The following DOCK8 variants were observed in gnomAD, a reference collection of about 807,000 sequenced individuals.
DOCK8 encodes the protein dedicator of cytokinesis 8.
DOCK8 carries 141 observed loss-of-function variants against 245.6 expected under a neutral mutation model. The observed-to-expected ratio is 0.57, with a 90% CI of 0.50 to 0.66. The LOEUF (loss-of-function observed/expected upper bound fraction) is 0.66. Ranked by LOEUF, DOCK8 falls within the 30% of genes least tolerant of loss-of-function variation. DOCK8 has a pLI of 0.00. For missense variants in DOCK8, 2,965 were observed against 2,603.4 expected (o/e 1.14, Z -3.02); for synonymous variants, 1,168 against 970.2 (o/e 1.20, Z -3.79).
At chr9:390,903 A>G (rs756438190) in intron 24 of DOCK8, among the ~76,000 whole-genome samples, 6 of 152,220 alleles carry the variant, frequency 3.9e-5, no homozygotes, top group Non-Finnish European at 7.3e-5. Context: ...GGCAGCCAAT[A>G]CTAAACAGAG....
intron 22 of DOCK8, among the ~76,000 whole-genome samples, 199 bp downstream of exon 22, chr9:382,884 T>C (rs916219408): frequency 2.6e-5 from 4 of 152,100 alleles, no homozygotes; most frequent in Admixed American, 2.6e-4. Flanking sequence ...GACCAGCATC[T>C]GAGGATTTGC....
chr9:366,216 C>A (rs16935330), intron 14 of DOCK8: 8 of 153,460 alleles, frequency 5.2e-5, no homozygotes, highest in Non-Finnish European at 8.7e-5. Flanking sequence ...CTCACTGATA[C>A]TTGAAGCTCA....
In DOCK8 at chr9:402,230, C is replaced by G. The variant is rs150630245; in HGVS notation, c.3235-2688C>G. ...TCTTTCCTTTCTTTTCTCTTGCTCA[C>G]TATCTTTCTCCTTAAATTCTTCCCT... On this transcript the variant is annotated intron_variant, in intron 26 of 47. Transcript: ENST00000432829. Among the ~76,000 whole-genome samples, 4 of 152,306 alleles carry G rather than the reference C, an allele frequency of 2.6e-5. No individual in the cohort carries two copies. The East Asian group carries it at 5.8e-4, about 22-fold the overall frequency.
chr9:268,004 A>T (rs1418590669), intron 1 of DOCK8: 1 of 152,230 alleles, frequency 6.6e-6, no homozygotes, highest in African/African-American at 2.4e-5. Flanking sequence ...AGACACACAG[A>T]GCCAATATAC....
chr9:433,216 T>C (rs1415271224), intron 37 of DOCK8, among the ~76,000 whole-genome samples: 1 of 152,174 alleles, frequency 6.6e-6, no homozygotes, highest in African/African-American at 2.4e-5. Flanking sequence ...TATGGGCAGT[T>C]TAATAAAGGT....
intron 26 of DOCK8, among the ~76,000 whole-genome samples, chr9:401,812 C>T (rs1341308980): frequency 6.6e-6 from 1 of 152,166 alleles, no homozygotes; most frequent in African/African-American, 2.4e-5. Context: ...CCATACCACC[C>T]TGAACGCACG....
intron 1 of DOCK8, among the ~76,000 whole-genome samples, chr9:258,846 C>A (rs2047845931): frequency 6.6e-6 from 1 of 152,038 alleles, no homozygotes; most frequent in South Asian, 2.1e-4. Context: ...GATCTGCCCG[C>A]CTTGGCCTCC....
At chr9:400,947 TCACCA>T (rs2055016858) in intron 26 of DOCK8, among the ~76,000 whole-genome samples, 2 of 28,552 alleles carry the variant, frequency 7.0e-5, no homozygotes, top group Non-Finnish European at 5.2e-5. Flanking sequence ...ACCACCACCA[TCACCA>T]CCACCACCAC....
At chr9:419,180 T>G (rs566995639) in intron 30 of DOCK8, among the ~76,000 whole-genome samples, 5 of 152,342 alleles carry the variant, frequency 3.3e-5, no homozygotes, top group African/African-American at 9.6e-5. Context: ...GCAGAGAATT[T>G]AACTTTCTTC....
Position 328,153 on chromosome 9 carries a change from C to T in DOCK8, c.1026C>T (p.Asp342=). Residue 342 remains aspartate (D), a synonymous_variant, in exon 9 of 48, where the codon GAC becomes GAT. Coordinates refer to ENST00000432829, the MANE Select transcript of DOCK8 (RefSeq NM_203447.4). ...AVFSVTYPSS[D]IYLVVKIEKV... ...TCTCAGTCACCTACCCGTCCTCAGA[C>T]ATCTACCTGGTAGTCAAGGTAATTC... 6.2e-7 allele frequency: 1 copy of T among 1,614,076 alleles called. No homozygotes were observed. Among genetic ancestry groups the T allele is most frequent in the African/African-American group, 1.3e-5 (1 of 75,058 alleles).
At chr9:221,850 C>G (rs1248095504) in intron 1 of DOCK8, among the ~76,000 whole-genome samples, 2 of 151,540 alleles carry the variant, frequency 1.3e-5, no homozygotes, top group Non-Finnish European at 2.9e-5. Context: ...ATGAACAACT[C>G]TGCATGTAAA....
chr9:440,117 C>T (rs570146153), intron 40 of DOCK8, among the ~76,000 whole-genome samples: 2 of 152,152 alleles, frequency 1.3e-5, no homozygotes, highest in South Asian at 4.2e-4. Flanking sequence ...CTCCAGGGTT[C>T]AAGCAACTCT....
At chr9:464,050 C>G (rs929687274) in intron 47 of DOCK8, 109 bp from the exon 48 acceptor site, 1 of 929,794 alleles carries the variant, frequency 1.1e-6, no homozygotes, top group Non-Finnish European at 1.8e-6. Context: ...TGACTGATGT[C>G]CATTTCTACT....
chr9:300,470 C>A (rs1212826835), intron 4 of DOCK8, among the ~76,000 whole-genome samples: 2 of 151,210 alleles, frequency 1.3e-5, no homozygotes, highest in African/African-American at 4.9e-5. Context: ...ACTCCAAAGC[C>A]AGCAGAAGAA....
At chr9:254,071 T>C (rs62531310) in intron 1 of DOCK8, among the ~76,000 whole-genome samples, 11,031 of 152,262 alleles carry the variant, frequency 0.072, 456 homozygotes, top group African/African-American at 0.11. Flanking sequence ...GTCTAATATT[T>C]GGGAACTGCA....
At chr9:303,391 C>A (rs1288744312) in intron 4 of DOCK8, among the ~76,000 whole-genome samples, 1 of 152,148 alleles carries the variant, frequency 6.6e-6, no homozygotes, top group Non-Finnish European at 1.5e-5. Flanking sequence ...AACCTAGATG[C>A]CCATCGACAG....
intron 13 of DOCK8, among the ~76,000 whole-genome samples, chr9:339,791 G>T (rs1400471608): frequency 6.6e-6 from 1 of 152,226 alleles, no homozygotes; most frequent in Non-Finnish European, 1.5e-5. Flanking sequence ...TGAGATGACA[G>T]GCGTGAGCCA....
At chr9:450,944 C>A (rs750912840) in intron 45 of DOCK8, among the ~76,000 whole-genome samples, 18 of 151,548 alleles carry the variant, frequency 1.2e-4, no homozygotes, top group Admixed American at 2.0e-4. Context: ...CAACTCAAAG[C>A]ACATACCATT....
intron 14 of DOCK8, among the ~76,000 whole-genome samples, chr9:355,192 CTTTTTTTTTTT>C (rs749045514): frequency 5.0e-5 from 6 of 121,088 alleles, no homozygotes; most frequent in Admixed American, 8.8e-5. Flanking sequence ...TGTTTCTTTT[CTTTTTTTTTTT>C]TTTTTTTTTT....
Sources: allele counts gnomAD v4.1 joint callset (sites outside exome capture counted in the v4.1 genomes callset), GRCh38; gene constraint gnomAD v4.1.1; transcripts MANE v1.5; gene names NCBI Gene and HGNC (gene_info 2026-07-23, HGNC 2026-07-21).